The following KANSL2 variants were observed in gnomAD, a reference collection of about 807,000 sequenced individuals.
The protein encoded by KANSL2 is NSL complex protein NSL2.
In KANSL2, 34 loss-of-function variants were observed where a neutral mutation model predicts 55.6. That is an observed-to-expected ratio of 0.61 (90% CI 0.46 to 0.81). The LOEUF is 0.81. Among genes scored for constraint, KANSL2 ranks in the 40% least tolerant of loss-of-function variants. KANSL2 has a pLI of 0.00. For missense variants in KANSL2, 502 were observed against 609.9 expected, an observed-to-expected ratio of 0.82 and a Z score of 1.86; for synonymous variants, 209 against 214.3, an observed-to-expected ratio of 0.98 and a Z score of 0.22.
chr12:48,662,988 T>C (rs1338050054), intron 7 of KANSL2, among the ~76,000 whole-genome samples: 4 of 152,224 alleles, frequency 2.6e-5, no homozygotes, highest in Admixed American at 6.5e-5. Flanking sequence ...TTTGGTTTCA[T>C]GCAATTTCAG....
At chr12:48,681,728 A>T (rs763401586) in intron 1 of KANSL2, 87 bp from the exon 2 acceptor site, 1 of 1,558,376 alleles carries the variant, frequency 6.4e-7, no homozygotes, top group South Asian at 1.1e-5. Flanking sequence ...TTTCCAAAGG[A>T]CATGCAGAAG....
In KANSL2 at chr12:48,660,589, A is replaced by T. The variant is rs1291351789; in HGVS notation, c.1004T>A (p.Phe335Tyr). The T allele has an allele frequency of 6.2e-7, 1 of 1,613,222 alleles. No individual in the cohort carries two copies. Among genetic ancestry groups the T allele is most frequent in the Non-Finnish European group, 8.5e-7 (1 of 1,179,626 alleles). Reference protein sequence around the residue: ...HICQDTNQVLFKCCQGSEEVP... With the variant: ...HICQDTNQVLYKCCQGSEEVP... ...CTCTTCAGATCCCTGGCAGCACTTG[A>T]AGAGAACCTGATTCGTATCCTGACA... is the stretch of plus-strand genomic sequence containing the variant. Residue 335 changes from phenylalanine to tyrosine, a missense_variant, in exon 8 of 10, where the codon TTC becomes TAC. By Grantham distance (22) the Phe-to-Tyr change is conservative. Transcript: ENST00000420613.
intron 2 of KANSL2, 137 bp downstream of exon 2, chr12:48,681,245 C>T: frequency 6.4e-6 from 6 of 941,982 alleles, no homozygotes; most frequent in South Asian, 1.9e-5. Context: ...ACCGTTTTTT[C>T]AGTTTTCCAA....
chr12:48,674,350 A>G (rs1255336464), intron 4 of KANSL2, among the ~76,000 whole-genome samples: 1 of 151,978 alleles, frequency 6.6e-6, no homozygotes. Context: ...GGGTTTCACC[A>G]TGTTTCCCAG....
Position 48,654,168 on chromosome 12 carries a change from A to C in KANSL2, c.1355T>G (p.Met452Arg), listed in dbSNP as rs770482460. ...AEDPVDILGQ[M>R]QMAGDGCRSQ... ...TCTGCACCCATCTCCAGCCATCTGC[A>C]TCTGGCCCTGTTAAAAGAAATAAAG... Residue 452 changes from methionine to arginine, a missense_variant, in exon 10 of 10, where the codon ATG (methionine) becomes AGG (arginine). By Grantham distance (91) the Met-to-Arg change is moderately conservative. Coordinates refer to ENST00000420613, the MANE Select transcript of KANSL2 (RefSeq NM_017822.4). The C allele has an allele frequency of 3.7e-6, 6 of 1,603,552 alleles. No individual in the cohort carries two copies. The Admixed American group carries it at 1.1e-4, about 28-fold the overall frequency.
chr12:48,680,403 G>A (rs979267033), intron 2 of KANSL2, among the ~76,000 whole-genome samples: 3 of 152,012 alleles, frequency 2.0e-5, no homozygotes, highest in Non-Finnish European at 4.4e-5. Flanking sequence ...TATTGCCTGG[G>A]TTGGTCTCCA....
chr12:48,660,631 T>C lies in KANSL2; in HGVS notation c.974-12A>G, dbSNP rs758469276. ...ATCCTGACAAATATCTGTAGAAAAA[T>C]GGTCAAGGGAAATAAAACACAATCT... is the stretch of plus-strand genomic sequence containing the variant. On this transcript the variant is annotated splice_polypyrimidine_tract_variant and intron_variant, in intron 7 of 9. Coordinates refer to ENST00000420613, the MANE Select transcript of KANSL2 (RefSeq NM_017822.4). The C allele has an allele frequency of 1.6e-5, 26 of 1,606,610 alleles. No individual in the cohort carries two copies. In the East Asian group the frequency reaches 4.0e-4, roughly 25 times the overall value.
At position 48,653,972 on chromosome 12, in the gene KANSL2, G is replaced by A; in HGVS notation, c.*72C>T. On this transcript the variant is annotated 3_prime_UTR_variant, in exon 10 of 10. Transcript: ENST00000420613. ...AGTCTGGGTTGCCTGTGTTTTGTGA[G>A]AGATGATCAGAAATACTTCTTTGAA... The A allele has an allele frequency of 7.0e-7, 1 of 1,434,872 alleles. No individual in the cohort carries two copies. Among genetic ancestry groups the A allele is most frequent in the Non-Finnish European group, 9.3e-7 (1 of 1,072,674 alleles). 88.9% of individuals were successfully genotyped at this position (1,434,872 alleles called of 1,614,324 possible). A position where few individuals can be genotyped will look rare whatever the true frequency, so the allele number is the denominator to read the frequency against.
rs1939806387 is a variant in KANSL2, at chr12:48,675,592, TTCA to T, written c.545+3441_545+3443del. 2.0e-5 allele frequency among the ~76,000 whole-genome samples: 3 copies of T among 152,328 alleles called. No individual in the cohort carries two copies. In the South Asian group the frequency reaches 6.2e-4, roughly 32 times the overall value. On this transcript the variant is annotated intron_variant, in intron 4 of 9. Transcript: ENST00000420613. ...ATAAAAATTGTTTTAAAAAATTAAT[TTCA>T]CTGCACCCTGTCAGAAGAGAATTTA... is the stretch of plus-strand genomic sequence containing the variant.
At chr12:48,674,844 T>C (rs1206811636) in intron 4 of KANSL2, among the ~76,000 whole-genome samples, 1 of 151,982 alleles carries the variant, frequency 6.6e-6, no homozygotes, top group African/African-American at 2.4e-5. Context: ...GAGAATCACT[T>C]GAACCTGGTA....
Position 48,657,761 on chromosome 12 carries a change from C to T in KANSL2, c.1227+2605G>A, listed in dbSNP as rs150410553. Among the ~76,000 whole-genome samples the T allele has an allele frequency of 4.5e-3, 687 of 152,210 alleles. 7 individuals are homozygous for T. The highest frequency in any genetic ancestry group is 0.015 in the African/African-American group (641 of 41,576). On this transcript the variant is annotated intron_variant, in intron 8 of 9. Transcript: ENST00000420613. ...CCTCCCCAGTAGCTGGGATTACAGG[C>T]GCGTGCCACCACATCCAGCTAATTG...
chr12:48,660,087 C>T (rs1046045195), intron 8 of KANSL2, among the ~76,000 whole-genome samples: 2 of 151,912 alleles, frequency 1.3e-5, no homozygotes, highest in African/African-American at 4.8e-5. Flanking sequence ...CGTAACTTTG[C>T]GAATATACTA....
intron 8 of KANSL2, among the ~76,000 whole-genome samples, chr12:48,657,098 T>G (rs138945500): frequency 4.1e-4 from 63 of 152,248 alleles, no homozygotes; most frequent in Admixed American, 8.5e-4. Flanking sequence ...TTAAAGCTGC[T>G]CAGGCCGGGT....
intron 4 of KANSL2, among the ~76,000 whole-genome samples, chr12:48,676,041 A>G (rs754233649): frequency 2.6e-5 from 4 of 152,206 alleles, no homozygotes; most frequent in Non-Finnish European, 4.4e-5. Flanking sequence ...AAAAAAGGGA[A>G]ATGAAAATTT....
rs183831056 is a variant in KANSL2, at chr12:48,670,405, G to A, written c.710-1133C>T. 8.8e-4 allele frequency among the ~76,000 whole-genome samples: 134 copies of A among 152,280 alleles called. 1 individual carries two copies. The highest frequency in any genetic ancestry group is 3.1e-3 in the African/African-American group (129 of 41,546). On this transcript the variant is annotated intron_variant, in intron 5 of 9. Coordinates refer to ENST00000420613, the MANE Select transcript of KANSL2 (RefSeq NM_017822.4). ...GCAGAAGACATTGTTATCATGAGAT[G>A]ACAGTTCGCTGCATGAGATTGTCCC...
intron 4 of KANSL2, among the ~76,000 whole-genome samples, chr12:48,673,680 G>A (rs1003058074): frequency 1.3e-5 from 2 of 152,128 alleles, no homozygotes; most frequent in Admixed American, 1.3e-4. Flanking sequence ...AGGTGTGATA[G>A]CTCACGCCTG....
In KANSL2 at chr12:48,653,875, A is replaced by C; in HGVS notation, c.*169T>G. Reference sequence around the variant, plus strand: ...TCTTCCTTGCCCTGAGTGGGAAGAAACCCACGGTCCACGTCCTCAAAATTT... The same window carrying C: ...TCTTCCTTGCCCTGAGTGGGAAGAACCCCACGGTCCACGTCCTCAAAATTT... On this transcript the variant is annotated 3_prime_UTR_variant, in exon 10 of 10. Coordinates refer to ENST00000420613, the MANE Select transcript of KANSL2 (RefSeq NM_017822.4). The C allele has an allele frequency of 9.2e-6, 5 of 540,608 alleles. No individual in the cohort carries two copies. The highest frequency in any genetic ancestry group is 1.5e-5 in the Non-Finnish European group (5 of 322,962). The allele number at this position is 540,608 out of a possible 1,614,324, so 33.5% of individuals were successfully genotyped here. A position where few individuals can be genotyped will look rare whatever the true frequency, so the allele number is the denominator to read the frequency against.
Position 48,679,642 on chromosome 12 carries a change from A to G in KANSL2, c.430+13T>C. The G allele has an allele frequency of 6.2e-7, 1 of 1,610,046 alleles. No homozygotes were observed. Among genetic ancestry groups the G allele is most frequent in the Non-Finnish European group, 8.5e-7 (1 of 1,177,490 alleles). ...TCTTCCTCCTTTTTCATTCCAGGAGAGAAGGTCCTTACCTAGTATTCGGCT... is the reference window on the plus strand; with the variant it reads ...TCTTCCTCCTTTTTCATTCCAGGAGGGAAGGTCCTTACCTAGTATTCGGCT... On this transcript the variant is annotated intron_variant, in intron 3 of 9. Transcript: ENST00000420613.
At chr12:48,656,870 G>C in intron 8 of KANSL2, 1 of 402,402 alleles carries the variant, frequency 2.5e-6, no homozygotes. Flanking sequence ...TTCTTCCTAA[G>C]AATTAAAAAT....
Sources: allele counts gnomAD v4.1 joint callset (sites outside exome capture counted in the v4.1 genomes callset), GRCh38; gene constraint gnomAD v4.1.1; transcripts MANE v1.5; gene names NCBI Gene and HGNC (gene_info 2026-07-23, HGNC 2026-07-21).